CSAD: variants seen among roughly 807,000 people sequenced by gnomAD.
CSAD encodes the protein P-selectin cytoplasmic tail-associated protein.
Under a neutral mutation model 61.5 loss-of-function variants are expected in CSAD, and 47 were observed. That is an observed-to-expected ratio of 0.76 (90% CI 0.60 to 0.97). The LOEUF (loss-of-function observed/expected upper bound fraction) is 0.97, where lower values mean the gene tolerates loss of function less well. Ranked by LOEUF, CSAD falls within the 50% of genes least tolerant of loss-of-function variation. The pLI is 0.00. For missense variants in CSAD, 611 were observed against 643.6 expected, an observed-to-expected ratio of 0.95 and a Z score of 0.55; for synonymous variants, 245 against 252.7, an observed-to-expected ratio of 0.97 and a Z score of 0.29.
intron 7 of CSAD, 74 bp from the exon 8 acceptor site, chr12:53,171,515 C>T: frequency 7.0e-7 from 1 of 1,424,434 alleles, no homozygotes; most frequent in Non-Finnish European, 9.7e-7. Context: ...CCTTCCCTTT[C>T]TACCAGAAGA....
intron 4 of CSAD, 95 bp downstream of exon 4, chr12:53,173,250 A>C: frequency 9.0e-7 from 1 of 1,105,538 alleles, no homozygotes; most frequent in Non-Finnish European, 1.3e-6. Flanking sequence ...GAAAGAAGGA[A>C]GGAAGGGGGG....
chr12:53,172,735 A>C, intron 4 of CSAD, 87 bp from the exon 5 acceptor site: 1 of 1,412,332 alleles, frequency 7.1e-7, no homozygotes. Flanking sequence ...AGACACGGCC[A>C]ACCTGCACTA....
chr12:53,181,231 G>T, upstream of CSAD: 1 of 985,444 alleles, frequency 1.0e-6, no homozygotes, highest in Non-Finnish European at 1.2e-6. Context: ...CCTACCTTCG[G>T]GCGGACGGGG....
rs541189037 is a variant in CSAD at position 53,169,799 on chromosome 12, C to T, written c.702+273G>A. 1.3e-4 allele frequency among the ~76,000 whole-genome samples: 20 copies of T among 152,132 alleles called. 1 individual carries two copies. The highest frequency in any genetic ancestry group is 6.2e-4 in the South Asian group (3 of 4,820). On this transcript the variant is annotated intron_variant, in intron 10 of 16. Transcript: ENST00000444623. ...CCCACAGGAACCTTCCACACTACAG[C>T]GCAGGCCCCCAGCACCCTCCCTGTG... is the stretch of plus-strand genomic sequence containing the variant.
chr12:53,159,644 A>G lies in CSAD; in HGVS notation c.1287T>C (p.Asp429=). The stretch of plus-strand genomic sequence containing the variant: ...CTACCTTTGACAGCCTTTCGTGGTA[A>G]TCTGGACTCTCCTGCTTCCCTCGCA... ...PSLRGKQESP[D]YHERLSKVAP... Residue 429 remains aspartate (D), a synonymous_variant, in exon 16 of 17, where the codon GAT becomes GAC. Transcript: ENST00000444623. 2 of 1,611,674 alleles carry G rather than the reference A, an allele frequency of 1.2e-6. No individual in the cohort carries two copies. The highest frequency in any genetic ancestry group is 1.7e-6 in the Non-Finnish European group (2 of 1,179,034).
At chr12:53,171,155 TG>T in intron 8 of CSAD, 170 bp downstream of exon 8, 1 of 950,452 alleles carries the variant, frequency 1.1e-6, no homozygotes, top group African/African-American at 1.6e-5. Context: ...GAAGGCAATG[TG>T]AACAGGAGCA....
Position 53,173,785 on chromosome 12 carries a change from A to G in CSAD, c.-49-15T>C. ...ACAGGTAGCTCCTCAGGACAGCAGG[A>G]CCAAGATGGCAGAGGAAGTGGGGTG... is the stretch of plus-strand genomic sequence containing the variant. On this transcript the variant is annotated splice_polypyrimidine_tract_variant and intron_variant, in intron 2 of 16. Transcript: ENST00000444623. The G allele has an allele frequency of 2.5e-6, 4 of 1,613,142 alleles. No individual in the cohort carries two copies. Among genetic ancestry groups the G allele is most frequent in the Non-Finnish European group, 3.4e-6 (4 of 1,179,402 alleles).
Position 53,170,469 on chromosome 12 carries a change from G to A in CSAD, c.601C>T (p.Leu201=). 1 of 1,614,164 alleles carries A rather than the reference G, an allele frequency of 6.2e-7. No individual in the cohort carries two copies. The highest frequency in any genetic ancestry group is 1.1e-5 in the South Asian group (1 of 91,078). Residue 201 remains leucine, a synonymous_variant, in exon 9 of 17, where the codon CTG becomes TTG. Transcript: ENST00000444623. ...CGGACACTGTCGGTGCCAAGTCCCA[G>A]AAACGCAGCTCCCTTCTGGATGGAG... The part of the protein sequence containing the change: ...HYSIQKGAAF[L]GLGTDSVRVV...
At chr12:53,171,806 C>A in intron 7 of CSAD, 76 bp downstream of exon 7, 1 of 1,003,106 alleles carries the variant, frequency 1.0e-6, no homozygotes, top group Non-Finnish European at 1.6e-6. Flanking sequence ...CCCTGCCAGA[C>A]ACTAGAGCAA....
rs1415770090 is a variant in CSAD, at chr12:53,171,101, G to C, written c.567+225C>G. 1.3e-5 allele frequency: 9 copies of C among 687,556 alleles called. No individual in the cohort carries two copies. In the East Asian group the frequency reaches 2.6e-4, roughly 20 times the overall value. The allele number at this position is 687,556 out of a possible 1,614,324, so 42.6% of individuals were successfully genotyped here. A position where few individuals can be genotyped will look rare whatever the true frequency, so the allele number is the denominator to read the frequency against. Reference sequence around the variant, plus strand: ...CACACTCTTGAGTAGGAAGAGTATGGACTGTGTCCACTGCACTCACGGCCC... The same window carrying C: ...CACACTCTTGAGTAGGAAGAGTATGCACTGTGTCCACTGCACTCACGGCCC... On this transcript the variant is annotated intron_variant, in intron 8 of 16. Transcript: ENST00000444623.
rs760493229 is a variant in CSAD, at chr12:53,173,329, G to C, written c.126+16C>G. 2 of 1,602,902 alleles carry C rather than the reference G, an allele frequency of 1.2e-6. No individual in the cohort carries two copies. The highest frequency in any genetic ancestry group is 1.7e-6 in the Non-Finnish European group (2 of 1,170,852). ...AAAGAAAGCTTGATGGGAAGGAGGA[G>C]GAAGAAAGGACTCACCTTCTGGGAG... On this transcript the variant is annotated intron_variant, in intron 4 of 16. Transcript: ENST00000444623.
chr12:53,170,485 C>CTGGATGGAG lies in CSAD; in HGVS notation c.576_584dup (p.Ile194_Gln195insHisSerIle). 1 of 1,614,084 alleles carries CTGGATGGAG rather than the reference C, an allele frequency of 6.2e-7. No individual in the cohort carries two copies. Among genetic ancestry groups the CTGGATGGAG allele is most frequent in the Non-Finnish European group, 8.5e-7 (1 of 1,180,002 alleles). Reference sequence around the variant, plus strand: ...CAAGTCCCAGAAACGCAGCTCCCTTCTGGATGGAGTAGTGACACTGTGGGG... The same window carrying CTGGATGGAG: ...CAAGTCCCAGAAACGCAGCTCCCTTCTGGATGGAGTGGATGGAGTAGTGACACTGTGGGG... On this transcript the variant is annotated inframe_insertion, in exon 9 of 17. Transcript: ENST00000444623.
Position 53,160,128 on chromosome 12 carries a change from G to A in CSAD, c.1158C>T (p.Val386=), listed in dbSNP as rs1455960106. The A allele has an allele frequency of 6.2e-7, 1 of 1,613,256 alleles. No homozygotes were observed. The highest frequency in any genetic ancestry group is 1.7e-5 in the Admixed American group (1 of 60,024). The change falls in exon 14 of 17, where the codon GTC becomes GTT. Residue 386 remains valine, a synonymous_variant. Coordinates refer to ENST00000444623, the MANE Select transcript of CSAD (RefSeq NM_001244705.2). ...GLERRIDQAF[V]LARYLVEEMK... The stretch of plus-strand genomic sequence containing the variant: ...CACCTCCTCCCGCCTACCGGGCAAG[G>A]ACAAAGGCCTGGTCGATGCGCCGCT...
chr12:53,172,697 G>A (rs1411784699), intron 4 of CSAD, 49 bp from the exon 5 acceptor site: 8 of 1,564,314 alleles, frequency 5.1e-6, no homozygotes, highest in African/African-American at 1.4e-5. Flanking sequence ...CTGTGGACTG[G>A]CTGTCAAACC....
Position 53,180,835 on chromosome 12 carries a change from C to A in CSAD, c.-194G>T. 4.7e-6 allele frequency: 6 copies of A among 1,269,916 alleles called. No individual in the cohort carries two copies. The highest frequency in any genetic ancestry group is 5.1e-6 in the Non-Finnish European group (5 of 981,526). The allele number at this position is 1,269,916 out of a possible 1,614,324, so 78.7% of individuals were successfully genotyped here. On this transcript the variant is annotated 5_prime_UTR_variant, in exon 1 of 17. Coordinates refer to ENST00000444623, the MANE Select transcript of CSAD (RefSeq NM_001244705.2). ...GGAGCCAGCGGGAGGCCGCGCCTGG[C>A]AGGTAGGAGCAAGCCCCAAAGACCG...
At chr12:53,170,627 A>C in intron 8 of CSAD, 125 bp from the exon 9 acceptor site, 2 of 743,652 alleles carry the variant, frequency 2.7e-6, no homozygotes, top group South Asian at 3.0e-5. Flanking sequence ...GTCAGCGTGC[A>C]TACGAATCGC....
intron 2 of CSAD, chr12:53,178,382 C>T (rs763362313): frequency 2.0e-5 from 9 of 455,964 alleles, no homozygotes; most frequent in Non-Finnish European, 2.6e-5. Flanking sequence ...GTCCCAACTA[C>T]TTGGGAGGCT....
intron 12 of CSAD, 102 bp downstream of exon 12, chr12:53,161,025 C>A (rs1939217856): frequency 8.5e-6 from 11 of 1,290,178 alleles, no homozygotes; most frequent in Non-Finnish European, 1.2e-5. Context: ...TCCCCCTCCC[C>A]TCAGCCTCCT....
chr12:53,173,750 G>A lies in CSAD; in HGVS notation c.-29C>T. 1.2e-6 allele frequency: 2 copies of A among 1,613,004 alleles called. No individual in the cohort carries two copies. ...TACCTCTCTGCTCAGGAGAGCCGGA[G>A]GCAGGGTGCACAGGTAGCTCCTCAG... On this transcript the variant is annotated 5_prime_UTR_variant, in exon 3 of 17. Coordinates refer to ENST00000444623, the MANE Select transcript of CSAD (RefSeq NM_001244705.2).
Sources: allele counts gnomAD v4.1 joint callset (sites outside exome capture counted in the v4.1 genomes callset), GRCh38; gene constraint gnomAD v4.1.1; transcripts MANE v1.5; gene names NCBI Gene and HGNC (gene_info 2026-07-23, HGNC 2026-07-21).